UBE2K: variants seen among roughly 807,000 people sequenced by gnomAD.
The protein encoded by UBE2K is ubiquitin-conjugating enzyme E2 K.
A neutral mutation model predicts 30.0 loss-of-function variants in UBE2K; 6 were observed. The observed-to-expected ratio is 0.20, with a 90% confidence interval of 0.11 to 0.39. The LOEUF (loss-of-function observed/expected upper bound fraction) is 0.39. Ranked by LOEUF, UBE2K falls within the 10% of genes least tolerant of loss-of-function variation. The probability of loss-of-function intolerance (pLI) is 1.00; values close to 1 mark genes in which losing one functional copy is unlikely to be tolerated. For missense variants in UBE2K, 61 were observed against 241.6 expected, an observed-to-expected ratio of 0.25 and a Z score of 4.96; for synonymous variants, 86 against 83.7, an observed-to-expected ratio of 1.03 and a Z score of -0.15.
At chr4:39,733,171 C>T (rs1720175926) in intron 1 of UBE2K, among the ~76,000 whole-genome samples, 1 of 151,066 alleles carries the variant, frequency 6.6e-6, no homozygotes, top group Admixed American at 6.6e-5. Context: ...ACAGTGATAA[C>T]ACAATTCTTC....
chr4:39,769,213 G>GTTTTTTTTTTTTTTCTTTTTT (rs1712566882), intron 4 of UBE2K, among the ~76,000 whole-genome samples: 1 of 128,688 alleles, frequency 7.8e-6, no homozygotes, highest in Non-Finnish European at 1.7e-5. Flanking sequence ...GTTTCTTTTT[G>GTTTTTTTTTTTTTTCTTTTTT]TTTTTTTTTT....
intron 1 of UBE2K, among the ~76,000 whole-genome samples, chr4:39,734,390 TCATA>T (rs1350631538): frequency 6.6e-6 from 1 of 152,130 alleles, no homozygotes; most frequent in Non-Finnish European, 1.5e-5. Context: ...GAATGCTTTT[TCATA>T]ATGTAATTCA....
chr4:39,706,824 T>TA (rs1162315767), intron 1 of UBE2K, among the ~76,000 whole-genome samples: 1 of 149,138 alleles, frequency 6.7e-6, no homozygotes, highest in African/African-American at 2.4e-5. Flanking sequence ...TGGTTGGAGA[T>TA]ACAGGACAAA....
chr4:39,745,729 CT>C lies in UBE2K; in HGVS notation c.158-20del, dbSNP rs748506344. On this transcript the variant is annotated intron_variant, in intron 2 of 6. Coordinates refer to ENST00000261427, the MANE Select transcript of UBE2K (RefSeq NM_005339.5). ...TATTTGAATTGAGCAGCATTCTTAA[CT>C]TTGTTTTCCCCATTTTTTTAGGAGG... The C allele has an allele frequency of 6.4e-6, 10 of 1,554,186 alleles. No individual in the cohort carries two copies. In the South Asian group the frequency reaches 8.1e-5, roughly 13 times the overall value.
intron 1 of UBE2K, among the ~76,000 whole-genome samples, chr4:39,734,232 A>G (rs1353476663): frequency 2.0e-5 from 3 of 151,724 alleles, no homozygotes; most frequent in Non-Finnish European, 4.4e-5. Context: ...CAACCTCCCA[A>G]GTAGCGGGGA....
chr4:39,702,604 T>C lies in UBE2K; in HGVS notation c.63+4214T>C, dbSNP rs138073344. On this transcript the variant is annotated intron_variant, in intron 1 of 6. Transcript: ENST00000261427. The stretch of plus-strand genomic sequence containing the variant: ...GTTTAAATCTATGGCATAAACAAAT[T>C]GGTTTCGTGAAAATTACTATATAGT... Among the ~76,000 whole-genome samples the C allele has an allele frequency of 5.3e-5, 8 of 152,278 alleles. No homozygotes were observed. The East Asian group carries it at 1.5e-3, about 29-fold the overall frequency.
At chr4:39,731,600 T>C (rs1396997103) in intron 1 of UBE2K, among the ~76,000 whole-genome samples, 1 of 151,928 alleles carries the variant, frequency 6.6e-6, no homozygotes, top group East Asian at 1.9e-4. Flanking sequence ...GAGAATTCCT[T>C]GAACCCAGGA....
intron 1 of UBE2K, 59 bp downstream of exon 1, chr4:39,698,449 G>T: frequency 6.6e-7 from 1 of 1,513,298 alleles, no homozygotes; most frequent in Non-Finnish European, 9.0e-7. Flanking sequence ...GGTCCTCCCA[G>T]CTGCGACCCC....
chr4:39,777,916 T>A, intron 6 of UBE2K, 106 bp downstream of exon 6: 1 of 1,097,568 alleles, frequency 9.1e-7, no homozygotes, highest in Non-Finnish European at 1.2e-6. Context: ...ATTCGCAGCC[T>A]GGGCAACATG....
At chr4:39,733,633 A>C (rs1720199555) in intron 1 of UBE2K, among the ~76,000 whole-genome samples, 1 of 152,116 alleles carries the variant, frequency 6.6e-6, no homozygotes. Context: ...GCACCCAGCC[A>C]AATTAAAGGT....
chr4:39,705,358 C>T (rs934906182), intron 1 of UBE2K, among the ~76,000 whole-genome samples: 8 of 149,194 alleles, frequency 5.4e-5, no homozygotes, highest in South Asian at 2.1e-4. Flanking sequence ...CCACCACGCC[C>T]AGCTAATATT....
intron 1 of UBE2K, among the ~76,000 whole-genome samples, chr4:39,708,953 C>A (rs2109309145): frequency 6.8e-6 from 1 of 147,472 alleles, no homozygotes; most frequent in Non-Finnish European, 1.5e-5. Flanking sequence ...AGTATGAGAA[C>A]TTGAACTTGC....
At chr4:39,725,390 A>C (rs1372988959) in intron 1 of UBE2K, among the ~76,000 whole-genome samples, 4 of 149,102 alleles carry the variant, frequency 2.7e-5, no homozygotes, top group Admixed American at 6.6e-5. Context: ...AAAAAAAAAA[A>C]AAAAAAAAAA....
intron 5 of UBE2K, among the ~76,000 whole-genome samples, chr4:39,776,290 C>T (rs945324716): frequency 1.3e-5 from 2 of 152,164 alleles, no homozygotes; most frequent in African/African-American, 4.8e-5. Flanking sequence ...TACATAATTA[C>T]TCTGATTGCC....
chr4:39,745,127 A>G (rs1432258186), intron 2 of UBE2K, among the ~76,000 whole-genome samples: 2 of 152,106 alleles, frequency 1.3e-5, no homozygotes, highest in African/African-American at 4.8e-5. Context: ...CGGCCTCCCA[A>G]AGTGTTGGGA....
At chr4:39,701,466 A>G (rs538489600) in intron 1 of UBE2K, among the ~76,000 whole-genome samples, 12 of 152,162 alleles carry the variant, frequency 7.9e-5, no homozygotes, top group Non-Finnish European at 1.5e-4. Context: ...TCTTAAGCAC[A>G]GTTCTTTAGA....
At chr4:39,776,385 C>A (rs545745990) in intron 5 of UBE2K, among the ~76,000 whole-genome samples, 1 of 152,302 alleles carries the variant, frequency 6.6e-6, no homozygotes, top group East Asian at 1.9e-4. Flanking sequence ...TCTCCATCTT[C>A]TACATTGCTA....
intron 2 of UBE2K, among the ~76,000 whole-genome samples, chr4:39,743,582 C>T (rs1177955809): frequency 4.0e-5 from 6 of 148,454 alleles, no homozygotes; most frequent in African/African-American, 7.5e-5. Flanking sequence ...CCAGCCTGGG[C>T]GACAGAGCGA....
At chr4:39,772,788 A>G (rs1381747003) in intron 4 of UBE2K, among the ~76,000 whole-genome samples, 1 of 151,790 alleles carries the variant, frequency 6.6e-6, no homozygotes. Flanking sequence ...CCCGAGCTCA[A>G]GCGATTCTCC....
Sources: allele counts gnomAD v4.1 joint callset (sites outside exome capture counted in the v4.1 genomes callset), GRCh38; gene constraint gnomAD v4.1.1; transcripts MANE v1.5; gene names NCBI Gene and HGNC (gene_info 2026-07-23, HGNC 2026-07-21).